Variants in MXRA5 observed in about 807,000 individuals in gnomAD.
MXRA5 encodes matrix remodeling associated 5.
Under a neutral mutation model 112.5 loss-of-function variants are expected in MXRA5, and 41 were observed. The ratio of observed to expected loss-of-function variants is 0.36; its 90% CI spans 0.28 to 0.47. The LOEUF is 0.47. Ranked by LOEUF, MXRA5 falls within the 20% of genes least tolerant of loss-of-function variation. The pLI, the probability that MXRA5 is intolerant of heterozygous loss-of-function variation, is 0.99. For synonymous variants in MXRA5, 862 were observed against 900.8 expected (o/e 0.96, Z 0.77); for missense variants, 2,150 against 2,251.0 (o/e 0.96, Z 0.91).
At chrX:3,333,302 C>CAAAAAAAAAAAAA (rs386416494) in intron 2 of MXRA5, among the ~76,000 whole-genome samples, 10 of 14,810 alleles carry the variant, frequency 6.8e-4, no homozygotes, top group African/African-American at 9.6e-4. Context: ...TACCCCATAT[C>CAAAAAAAAAAAAA]AAAAAAAAAA....
chrX:3,322,833 G>C lies in MXRA5; in HGVS notation c.2852C>G (p.Ser951Trp), dbSNP rs781169634. 3 of 1,211,608 alleles carry C rather than the reference G, an allele frequency of 2.5e-6. No homozygotes were observed. The highest frequency in any genetic ancestry group is 3.5e-5 in the African/African-American group (2 of 57,755). ...TEGWSAADVG[S>W]SPEPTSSEYE... ...CTCACTGGATGTGGGCTCTGGTGAC[G>C]ATCCAACATCTGCTGCAGACCAACC... The change falls in exon 5 of 7, where the codon TCG becomes TGG. Residue 951 changes from serine to tryptophan, a missense_variant. Physicochemically the swap from Ser to Trp is radical, Grantham distance 177. Around this residue, in one of 6 missense-constraint regions of MXRA5, gnomAD observed 1,485 missense variants for 1,471.6 expected, o/e 1.01. Coordinates refer to ENST00000217939, the MANE Select transcript of MXRA5 (RefSeq NM_015419.4).
Position 3,310,563 on chromosome X carries a change from G to T in MXRA5, c.7640C>A (p.Pro2547Gln), listed in dbSNP as rs748919658. 4 of 1,152,844 alleles carry T rather than the reference G, an allele frequency of 3.5e-6. No homozygotes were observed. The South Asian group carries it at 7.5e-5, about 22-fold the overall frequency. ...EPMEKPIFHD[P>Q]ISEKITAMAG... ...CATGGCCGTGATCTTCTCGCTGATC[G>T]GGTCGTGGAAGATGGGTTTCTCCAT... The change falls in exon 7 of 7, where the codon CCG becomes CAG. Residue 2547 changes from proline to glutamine, a missense_variant. Around this residue, in one of 6 missense-constraint regions of MXRA5, gnomAD observed 93 missense variants for 135.5 expected, o/e 0.69. Coordinates refer to ENST00000217939, the MANE Select transcript of MXRA5 (RefSeq NM_015419.4).
chrX:3,316,197 C>T (rs1327745677), intron 6 of MXRA5, among the ~76,000 whole-genome samples: 1 of 82,256 alleles, frequency 1.2e-5, no homozygotes, highest in East Asian at 3.7e-4. Flanking sequence ...GCCTGTAGTC[C>T]CAGCTACACG....
chrX:3,328,336 C>T (rs185117137), intron 4 of MXRA5, among the ~76,000 whole-genome samples: 96 of 112,212 alleles, frequency 8.6e-4, no homozygotes, highest in African/African-American at 2.8e-3. Flanking sequence ...AAGGAACAGA[C>T]GGGAAGACTG....
intron 4 of MXRA5, among the ~76,000 whole-genome samples, chrX:3,325,659 T>C (rs1048705106): frequency 9.7e-6 from 1 of 103,319 alleles, no homozygotes. Flanking sequence ...TCTAAGTATA[T>C]ATAAATAATA....
In MXRA5 at chrX:3,322,030, C is replaced by T. The variant is rs1921322452; in HGVS notation, c.3655G>A (p.Glu1219Lys). The change falls in exon 5 of 7, where the codon GAG becomes AAG. Residue 1219 changes from glutamate to lysine, a missense_variant. This residue lies in a region of MXRA5 where 1,485 missense variants were observed against 1,471.6 expected (regional missense o/e 1.01). Transcript: ENST00000217939. Reference protein sequence around the residue: ...TVNTPKQLEMEKNAEPTSKGT... With the variant: ...TVNTPKQLEMKKNAEPTSKGT... ...TTGGATGTGGGTTCTGCATTCTTCT[C>T]CATTTCCAACTGTTTGGGGGTATTA... The T allele has an allele frequency of 1.7e-6, 2 of 1,211,416 alleles. No individual in the cohort carries two copies. Among genetic ancestry groups the T allele is most frequent in the Non-Finnish European group, 2.2e-6 (2 of 895,446 alleles).
rs770902643 is a variant in MXRA5, at chrX:3,323,623, G to T, written c.2062C>A (p.Leu688Ile). 2.5e-6 allele frequency: 3 copies of T among 1,209,157 alleles called. No homozygotes were observed. The highest frequency in any genetic ancestry group is 3.4e-6 in the Non-Finnish European group (3 of 894,913). ...KRGRRPGAKA[L>I]SRVREDIVED... ...ACGATGTCTTCTCTGACTCTGGAAAGAGCCTTTGCACCTGGGCGTCTGCCT... is the reference window on the plus strand; with the variant it reads ...ACGATGTCTTCTCTGACTCTGGAAATAGCCTTTGCACCTGGGCGTCTGCCT... The change falls in exon 5 of 7, where the codon CTT becomes ATT. Residue 688 changes from leucine (L) to isoleucine (I), a missense_variant. Leu to Ile is a conservative substitution (Grantham distance 5, BLOSUM62 2). Coordinates refer to ENST00000217939, the MANE Select transcript of MXRA5 (RefSeq NM_015419.4).
intron 4 of MXRA5, among the ~76,000 whole-genome samples, chrX:3,328,235 CA>C (rs1161900524): frequency 8.9e-6 from 1 of 112,267 alleles, no homozygotes; most frequent in Non-Finnish European, 1.9e-5. Context: ...TAAGAAAAAG[CA>C]AGCCTCTTGA....
chrX:3,329,944 C>T (rs1340411800), intron 4 of MXRA5, 74 bp downstream of exon 4: 3 of 1,086,269 alleles, frequency 2.8e-6, no homozygotes, highest in African/African-American at 1.9e-5. Flanking sequence ...ATATAAGAAC[C>T]TTGGAGAATG....
intron 2 of MXRA5, among the ~76,000 whole-genome samples, chrX:3,336,533 TGGA>T (rs1482445940): frequency 1.8e-5 from 2 of 111,367 alleles, no homozygotes; most frequent in Non-Finnish European, 3.8e-5. Context: ...TCCCAAAGGC[TGGA>T]GGAGGAGAGG....
Position 3,343,848 on chromosome X carries a change from T to A in MXRA5, c.-15A>T. On this transcript the variant is annotated 5_prime_UTR_variant, in exon 2 of 7. Transcript: ENST00000217939. ...CGCTTGGGCATCTTGTCGGGGTGCC[T>A]GATTCTCGGATACCTGAGGTAGAAC... 1 of 1,193,000 alleles carries A rather than the reference T, an allele frequency of 8.4e-7. No homozygotes were observed. Among genetic ancestry groups the A allele is most frequent in the Non-Finnish European group, 1.1e-6 (1 of 883,133 alleles).
chrX:3,309,754 C>G lies in MXRA5; in HGVS notation c.8449G>C (p.Gly2817Arg), dbSNP rs867087395. 8 of 1,211,338 alleles carry G rather than the reference C, an allele frequency of 6.6e-6. No homozygotes were observed. The highest frequency in any genetic ancestry group is 7.8e-6 in the Non-Finnish European group (7 of 895,323). Residue 2817 changes from glycine (G) to arginine (R), a missense_variant, in exon 7 of 7, where the codon GGC becomes CGC. Coordinates refer to ENST00000217939, the MANE Select transcript of MXRA5 (RefSeq NM_015419.4). ...FYKCMAKNIL[G>R]SDSKTTYIHV... ...ATGTAAGTTGTTTTGGAGTCACTGC[C>G]GAGAATGTTTTTTGCCATGCACTTG...
At chrX:3,338,604 G>A (rs774360356) in intron 2 of MXRA5, among the ~76,000 whole-genome samples, 1 of 110,635 alleles carries the variant, frequency 9.0e-6, no homozygotes, top group East Asian at 2.9e-4. Context: ...ATAAATAGAT[G>A]ATAGAGAATA....
At chrX:3,331,273 C>A (rs1458036331) in intron 2 of MXRA5, among the ~76,000 whole-genome samples, 1 of 111,502 alleles carries the variant, frequency 9.0e-6, no homozygotes, top group Non-Finnish European at 1.9e-5. Flanking sequence ...GTGTCCCTAT[C>A]TCTGGGGTCA....
rs923775427 is a variant in MXRA5 at position 3,309,502 on chromosome X, G to C, written c.*214C>G. ...CCCCTGGCATGATGTAAACACAAAA[G>C]AAAGTGTCTCAGCAAGGCTGAGCCC... On this transcript the variant is annotated 3_prime_UTR_variant, in exon 7 of 7. Coordinates refer to ENST00000217939, the MANE Select transcript of MXRA5 (RefSeq NM_015419.4). The C allele has an allele frequency of 3.3e-5, 14 of 418,481 alleles. No homozygotes were observed. Among genetic ancestry groups the C allele is most frequent in the African/African-American group, 3.3e-4 (13 of 39,936 alleles). The allele number at this position is 418,481 out of a possible 1,213,427, so 34.5% of individuals were successfully genotyped here.
At position 3,320,417 on chromosome X, in the gene MXRA5, G is replaced by A. The variant is rs112302509; in HGVS notation, c.5268C>T (p.Ala1756=). The A allele has an allele frequency of 8.4e-5, 102 of 1,209,879 alleles. No homozygotes were observed. In the African/African-American group the frequency reaches 1.1e-3, roughly 13 times the overall value. ...TAACTTTTCTCTCTCTCATTACTGG[G>A]GCAGGAGAAGTGGGTATCTGGGGTC... The part of the protein sequence containing the change: ...TRRPQIPTSP[A]PVMRERKVIP... The change falls in exon 5 of 7, where the codon GCC becomes GCT. Residue 1756 remains alanine (A), a synonymous_variant. Coordinates refer to ENST00000217939, the MANE Select transcript of MXRA5 (RefSeq NM_015419.4).
chrX:3,324,574 G>T lies in MXRA5; in HGVS notation c.1111C>A (p.Arg371=). 1 of 1,211,056 alleles carries T rather than the reference G, an allele frequency of 8.3e-7. No individual in the cohort carries two copies. The highest frequency in any genetic ancestry group is 1.1e-6 in the Non-Finnish European group (1 of 895,157). Residue 371 remains arginine (R), a synonymous_variant, in exon 5 of 7, where the codon CGA becomes AGA. Transcript: ENST00000217939. ...TTCCATAGCTTTTCATAGTTTTCTCGGGTCATTGGACACTCAAAGTCCAAG... is the reference window on the plus strand; with the variant it reads ...TTCCATAGCTTTTCATAGTTTTCTCTGGTCATTGGACACTCAAAGTCCAAG... The part of the protein sequence containing the change: ...VALDFECPMT[R]ENYEKLWKLI...
In MXRA5 at chrX:3,317,189, G is replaced by C; in HGVS notation, c.6492C>G (p.Leu2164=). 8.3e-7 allele frequency: 1 copy of C among 1,210,340 alleles called. No homozygotes were observed. Among genetic ancestry groups the C allele is most frequent in the Non-Finnish European group, 1.1e-6 (1 of 895,011 alleles). Residue 2164 remains leucine (L), a synonymous_variant, in exon 6 of 7, where the codon CTC becomes CTG. Transcript: ENST00000217939. Reference sequence around the variant, plus strand: ...CCCCCGAGGCGCTGCAGTCCAGCTTGAGGGTTCCTCCGTACCTGACGTCCG... The same window carrying C: ...CCCCCGAGGCGCTGCAGTCCAGCTTCAGGGTTCCTCCGTACCTGACGTCCG... ...RRTDVRYGGT[L]KLDCSASGDP... is the part of the protein sequence containing the mutation.
chrX:3,309,722 G>A lies in MXRA5; in HGVS notation c.8481C>T (p.Val2827=). The A allele has an allele frequency of 8.3e-7, 1 of 1,205,946 alleles. No individual in the cohort carries two copies. Among genetic ancestry groups the A allele is most frequent in the Non-Finnish European group, 1.1e-6 (1 of 890,875 alleles). Residue 2827 remains valine (V), a synonymous_variant, in exon 7 of 7, where the codon GTC becomes GTT. Coordinates refer to ENST00000217939, the MANE Select transcript of MXRA5 (RefSeq NM_015419.4). The part of the protein sequence containing the change: ...GSDSKTTYIH[V]F ...TCATTCTGGAATCCACATTTCAGAA[G>A]ACGTGGATGTAAGTTGTTTTGGAGT...
Sources: gnomAD v4.1 joint callset for allele counts (sites outside exome capture counted in the v4.1 genomes callset) on GRCh38, gnomAD v4.1.1 for gene constraint, gnomAD v4.1.1 regional missense constraint, MANE v1.5 for transcripts, NCBI Gene and HGNC (gene_info 2026-07-23, HGNC 2026-07-21) for gene names.